SEMA3D: variants seen among roughly 807,000 people sequenced by gnomAD.
The protein encoded by SEMA3D is semaphorin 3D.
Under a neutral mutation model 100.1 loss-of-function variants are expected in SEMA3D, and 84 were observed. The ratio of observed to expected loss-of-function variants is 0.84; its 90% CI spans 0.70 to 1.01. The LOEUF (loss-of-function observed/expected upper bound fraction) is 1.01. Among genes scored for constraint, SEMA3D ranks in the 50% least tolerant of loss-of-function variants. SEMA3D has a pLI of 0.00. For synonymous variants in SEMA3D, 312 were observed against 320.7 expected, an observed-to-expected ratio of 0.97 and a Z score of 0.29; for missense variants, 875 against 934.1, an observed-to-expected ratio of 0.94 and a Z score of 0.82.
chr7:85,122,371 G>C (rs2214819), intron 2 of SEMA3D, among the ~76,000 whole-genome samples: 5,845 of 152,208 alleles, frequency 0.038, 349 homozygotes, highest in African/African-American at 0.13. Context: ...AATCAGAACT[G>C]GGGAATAAAA....
chr7:85,218,442 C>T, the SEMA3D span, among the ~76,000 whole-genome samples: 3 of 151,832 alleles, frequency 2.0e-5, no homozygotes, highest in South Asian at 2.1e-4. Flanking sequence ...ATCTTTGATG[C>T]GACTCTATAT....
the SEMA3D span, among the ~76,000 whole-genome samples, chr7:85,223,759 C>T: frequency 6.6e-6 from 1 of 151,856 alleles, no homozygotes; most frequent in Non-Finnish European, 1.5e-5. Context: ...TTTGGGGACT[C>T]TGGGAGGGGT....
rs750785670 is a variant in SEMA3D, at chr7:85,020,183, GCTA to G, written c.1503+47_1503+49del. The G allele has an allele frequency of 4.9e-6, 6 of 1,217,176 alleles. No individual in the cohort carries two copies. The South Asian group carries it at 6.1e-5, about 12-fold the overall frequency. The allele number at this position is 1,217,176 out of a possible 1,614,324, so 75.4% of individuals were successfully genotyped here. A position where few individuals can be genotyped will look rare whatever the true frequency, so the allele number is the denominator to read the frequency against. On this transcript the variant is annotated intron_variant, in intron 14 of 18. Transcript: ENST00000284136. ...AAAACAAGGGTGCCCTATAACAAGC[GCTA>G]CTCAGTTTCAACATCTTTTCTCCTG...
intron 5 of SEMA3D, among the ~76,000 whole-genome samples, chr7:85,081,105 G>A (rs1003186151): frequency 6.6e-6 from 1 of 152,096 alleles, no homozygotes; most frequent in Non-Finnish European, 1.5e-5. Context: ...GAACTCAGTT[G>A]AAATTATGTA....
intron 3 of SEMA3D, among the ~76,000 whole-genome samples, chr7:85,106,289 C>T (rs549647079): frequency 3.0e-4 from 45 of 152,080 alleles, no homozygotes; most frequent in Non-Finnish European, 4.7e-4. Flanking sequence ...TAAAATTAAA[C>T]GCCATGTCAC....
the SEMA3D span, among the ~76,000 whole-genome samples, chr7:85,227,109 T>G: frequency 6.6e-6 from 1 of 152,200 alleles, no homozygotes; most frequent in Non-Finnish European, 1.5e-5. Context: ...ATTTATATTT[T>G]TTGCTGAATA....
chr7:85,117,733 A>G lies in SEMA3D; in HGVS notation c.151+4008T>C, dbSNP rs1166546625. 2.0e-5 allele frequency among the ~76,000 whole-genome samples: 3 copies of G among 152,014 alleles called. No homozygotes were observed. The East Asian group carries it at 5.8e-4, about 29-fold the overall frequency. On this transcript the variant is annotated intron_variant, in intron 3 of 18. Coordinates refer to ENST00000284136, the MANE Select transcript of SEMA3D (RefSeq NM_001384900.1). Reference sequence around the variant, plus strand: ...GGCTGCAGTGATCCAAGATCTTGCCACTGTACTTGAGCGTGGGAGACAGAG... The same window carrying G: ...GGCTGCAGTGATCCAAGATCTTGCCGCTGTACTTGAGCGTGGGAGACAGAG...
chr7:85,141,785 C>T, intron 2 of SEMA3D: 3 of 786,760 alleles, frequency 3.8e-6, no homozygotes, highest in Non-Finnish European at 4.6e-6. Context: ...TCTCATAAAT[C>T]TGGGAAAAGG....
At chr7:85,183,533 A>C (rs1251559403) in intron 1 of SEMA3D, among the ~76,000 whole-genome samples, 1 of 152,146 alleles carries the variant, frequency 6.6e-6, no homozygotes, top group Non-Finnish European at 1.5e-5. Flanking sequence ...CACCAAAAAT[A>C]ATTCCCATTC....
chr7:85,032,537 C>T (rs554351827), intron 12 of SEMA3D, among the ~76,000 whole-genome samples: 5 of 151,946 alleles, frequency 3.3e-5, no homozygotes, highest in Admixed American at 2.0e-4. Context: ...TTAGCTACCA[C>T]GGATTTCTAG....
chr7:85,124,854 A>G (rs1789521237), intron 2 of SEMA3D, among the ~76,000 whole-genome samples: 2 of 152,138 alleles, frequency 1.3e-5, no homozygotes, highest in Admixed American at 6.6e-5. Flanking sequence ...TACCTAATAC[A>G]TTAGGACTCA....
rs572028021 is a variant in SEMA3D at position 85,059,190 on chromosome 7, G to C, written c.719-3331C>G. 4.8e-4 allele frequency among the ~76,000 whole-genome samples: 73 copies of C among 152,258 alleles called. No individual in the cohort carries two copies. The South Asian group carries it at 0.014, about 29-fold the overall frequency. On this transcript the variant is annotated intron_variant, in intron 8 of 18. Coordinates refer to ENST00000284136, the MANE Select transcript of SEMA3D (RefSeq NM_001384900.1). ...GAATTCTCTAGCTGAACTGCCATGTGTATTTTAAACATATACAAATACAAA... is the reference window on the plus strand; with the variant it reads ...GAATTCTCTAGCTGAACTGCCATGTCTATTTTAAACATATACAAATACAAA...
At chr7:85,037,092 T>G in intron 11 of SEMA3D, 59 bp from the exon 12 acceptor site, 2 of 1,550,778 alleles carry the variant, frequency 1.3e-6, no homozygotes, top group Admixed American at 1.7e-5. Context: ...AAACATTGAC[T>G]GAGCACATAC....
Position 85,055,860 on chromosome 7 carries a change from C to A in SEMA3D, c.719-1G>T. ...AAGAAAGTTCCAATAAATTTTGCTC[C>A]TGTTTGAAAGAAAAGAAGCTATAAA... is the stretch of plus-strand genomic sequence containing the variant. On this transcript the variant is annotated splice_acceptor_variant, in intron 8 of 18. Coordinates refer to ENST00000284136, the MANE Select transcript of SEMA3D (RefSeq NM_001384900.1). LOFTEE classifies it high-confidence loss of function. 6.6e-7 allele frequency: 1 copy of A among 1,522,580 alleles called. No homozygotes were observed. Among genetic ancestry groups the A allele is most frequent in the East Asian group, 2.4e-5 (1 of 41,720 alleles). The allele number at this position is 1,522,580 out of a possible 1,614,324, so 94.3% of individuals were successfully genotyped here. A position where few individuals can be genotyped will look rare whatever the true frequency, so the allele number is the denominator to read the frequency against.
At chr7:85,189,564 C>T (rs986013473), upstream of SEMA3D, among the ~76,000 whole-genome samples, 9 of 152,262 alleles carry the variant, frequency 5.9e-5, no homozygotes, top group East Asian at 7.7e-4. Context: ...CAAGATTTAA[C>T]GAGTGAGCCT....
At chr7:85,073,145 T>C (rs1489756708) in intron 5 of SEMA3D, 64 bp from the exon 6 acceptor site, 6 of 1,440,730 alleles carry the variant, frequency 4.2e-6, no homozygotes, top group Non-Finnish European at 5.8e-6. Flanking sequence ...TTATCATTTA[T>C]GCCACCTGTT....
At chr7:85,039,678 T>G (rs976678022) in intron 11 of SEMA3D, among the ~76,000 whole-genome samples, 1 of 152,154 alleles carries the variant, frequency 6.6e-6, no homozygotes, top group African/African-American at 2.4e-5. Flanking sequence ...CACTTTCAGT[T>G]TTATTTTTAC....
intron 5 of SEMA3D, among the ~76,000 whole-genome samples, chr7:85,078,232 C>G (rs757526819): frequency 6.6e-6 from 1 of 150,642 alleles, no homozygotes; most frequent in Admixed American, 6.6e-5. Context: ...AATTTGCAAA[C>G]TTTCTACAAT....
At chr7:85,014,943 A>G (rs766548745) in intron 16 of SEMA3D, 116 bp downstream of exon 16, 57 of 682,466 alleles carry the variant, frequency 8.4e-5, no homozygotes, top group Non-Finnish European at 1.3e-4. Flanking sequence ...TATTCCTTCC[A>G]TAGGACATGT....
Sources: gnomAD v4.1 joint callset for allele counts (sites outside exome capture counted in the v4.1 genomes callset) on GRCh38, gnomAD v4.1.1 for gene constraint, MANE v1.5 for transcripts, NCBI Gene and HGNC (gene_info 2026-07-23, HGNC 2026-07-21) for gene names.